Variants in ZNF503 observed in about 807,000 individuals in gnomAD.
ZNF503 encodes zinc finger protein 503, also known as NocA-like zinc finger 2.
A neutral mutation model predicts 34.4 loss-of-function variants in ZNF503; 15 were observed. The ratio of observed to expected loss-of-function variants is 0.44; its 90% CI spans 0.29 to 0.67. The LOEUF is 0.67. Ranked by LOEUF, ZNF503 falls within the 30% of genes least tolerant of loss-of-function variation. The probability of loss-of-function intolerance (pLI) is 0.13; values close to 1 mark genes in which losing one functional copy is unlikely to be tolerated. For synonymous variants in ZNF503, 580 were observed against 456.8 expected, an observed-to-expected ratio of 1.27 and a Z score of -3.44; for missense variants, 1,007 against 926.8, an observed-to-expected ratio of 1.09 and a Z score of -1.12.
the ZNF503 span, among the ~76,000 whole-genome samples, chr10:75,356,335 G>A: frequency 6.6e-6 from 1 of 152,248 alleles, no homozygotes; most frequent in African/African-American, 2.4e-5. Context: ...TCCTGCCTCA[G>A]CCTCCCAAGT....
chr10:75,352,104 G>T, the ZNF503 span, among the ~76,000 whole-genome samples: 1 of 112,076 alleles, frequency 8.9e-6, no homozygotes, highest in African/African-American at 2.9e-5. Flanking sequence ...AGCAGGGATT[G>T]TCCTTCTCCC....
chr10:75,400,084 G>GC lies in ZNF503; in HGVS notation c.605dup (p.Gly203ArgfsTer83). ...CCGACTTCTCCGACGAAACACCCCC[G>GC]CCGCCGCCCCCGCCACCGCCACCGC... On this transcript the variant is annotated frameshift_variant, in exon 2 of 2. Transcript: ENST00000372524. LOFTEE classifies it high-confidence loss of function. 1.5e-6 allele frequency: 1 copy of GC among 676,642 alleles called. No homozygotes were observed. The highest frequency in any genetic ancestry group is 2.1e-6 in the Non-Finnish European group (1 of 484,722). 41.9% of individuals were successfully genotyped at this position (676,642 alleles called of 1,614,324 possible).
chr10:75,317,194 G>A, the ZNF503 span, among the ~76,000 whole-genome samples: 88 of 150,638 alleles, frequency 5.8e-4, no homozygotes, highest in African/African-American at 2.0e-3. Flanking sequence ...CATCTGCCTT[G>A]GCCTCCCAAA....
the ZNF503 span, among the ~76,000 whole-genome samples, chr10:75,323,577 T>C: frequency 6.6e-6 from 1 of 152,234 alleles, no homozygotes; most frequent in African/African-American, 2.4e-5. Flanking sequence ...TTTGTTTTTT[T>C]AGTATCTCAT....
the ZNF503 span, among the ~76,000 whole-genome samples, chr10:75,329,003 T>G: frequency 6.6e-6 from 1 of 152,200 alleles, no homozygotes; most frequent in African/African-American, 2.4e-5. Context: ...TGCCTCAGCC[T>G]CCCAAAGTGC....
At chr10:75,384,284 C>A in the ZNF503 span, among the ~76,000 whole-genome samples, 1 of 152,076 alleles carries the variant, frequency 6.6e-6, no homozygotes, top group African/African-American at 2.4e-5. Flanking sequence ...GATAATCTCA[C>A]ACATGCACAC....
chr10:75,390,006 C>T, the ZNF503 span, among the ~76,000 whole-genome samples: 1 of 152,118 alleles, frequency 6.6e-6, no homozygotes, highest in Non-Finnish European at 1.5e-5. Context: ...CATTCTCTCA[C>T]CTCAGCCTCC....
chr10:75,400,989 T>G, intron 1 of ZNF503, 116 bp downstream of exon 1: 1 of 1,441,272 alleles, frequency 6.9e-7, no homozygotes, highest in Non-Finnish European at 9.4e-7. Flanking sequence ...TCTTCCCCCA[T>G]TCGGGAGCTG....
the ZNF503 span, among the ~76,000 whole-genome samples, chr10:75,340,691 C>T: frequency 1.3e-5 from 2 of 152,166 alleles, no homozygotes; most frequent in African/African-American, 4.8e-5. Flanking sequence ...CTCCACTTCC[C>T]AGGTTCGAGC....
chr10:75,347,157 A>C, the ZNF503 span, among the ~76,000 whole-genome samples: 2 of 152,246 alleles, frequency 1.3e-5, no homozygotes, highest in East Asian at 3.8e-4. Flanking sequence ...AGTAAGCTCC[A>C]TGTAAGTGTT....
the ZNF503 span, among the ~76,000 whole-genome samples, chr10:75,285,489 T>G: frequency 6.6e-6 from 1 of 152,220 alleles, no homozygotes; most frequent in Non-Finnish European, 1.5e-5. Flanking sequence ...GTGAACTCAT[T>G]GACTTCAAAC....
chr10:75,307,664 G>T, the ZNF503 span, among the ~76,000 whole-genome samples: 1 of 152,238 alleles, frequency 6.6e-6, no homozygotes, highest in South Asian at 2.1e-4. Flanking sequence ...AGAAGTCAAC[G>T]TCTGGCTTCA....
the ZNF503 span, among the ~76,000 whole-genome samples, chr10:75,297,667 C>T: frequency 2.0e-5 from 3 of 152,192 alleles, no homozygotes; most frequent in Non-Finnish European, 4.4e-5. Context: ...TTCTGTAACT[C>T]GTTAATTGGC....
downstream of ZNF503, among the ~76,000 whole-genome samples, chr10:75,393,909 TA>T (rs1232171958): frequency 1.3e-5 from 2 of 151,910 alleles, no homozygotes; most frequent in African/African-American, 4.8e-5. Flanking sequence ...AAATCCCCAT[TA>T]AAAAATAAAA....
At chr10:75,301,608 AATAATCATATTTTTAGTT>A in the ZNF503 span, among the ~76,000 whole-genome samples, 1 of 151,672 alleles carries the variant, frequency 6.6e-6, no homozygotes, top group African/African-American at 2.4e-5. Context: ...TTTTTTGTTG[AATAATCATATTTTTAGTT>A]AAAAAATAAC....
chr10:75,385,622 G>T, the ZNF503 span, among the ~76,000 whole-genome samples: 1 of 152,174 alleles, frequency 6.6e-6, no homozygotes, highest in African/African-American at 2.4e-5. Flanking sequence ...GGGTCCCAGG[G>T]GTGTGCATTT....
At chr10:75,353,279 G>A in the ZNF503 span, among the ~76,000 whole-genome samples, 3 of 152,104 alleles carry the variant, frequency 2.0e-5, no homozygotes, top group East Asian at 1.9e-4. Flanking sequence ...CTTCCACCAC[G>A]TTCTTTTAAC....
the ZNF503 span, among the ~76,000 whole-genome samples, chr10:75,331,596 G>A: frequency 6.6e-6 from 1 of 152,094 alleles, no homozygotes; most frequent in African/African-American, 2.4e-5. Flanking sequence ...CTACAGGTGT[G>A]TGCCACCATG....
the ZNF503 span, among the ~76,000 whole-genome samples, chr10:75,384,369 C>T: frequency 6.6e-6 from 1 of 152,098 alleles, no homozygotes; most frequent in South Asian, 2.1e-4. Flanking sequence ...CACACACACA[C>T]TCGTACACAC....
Sources: gnomAD v4.1 joint callset for allele counts (sites outside exome capture counted in the v4.1 genomes callset) on GRCh38, gnomAD v4.1.1 for gene constraint, MANE v1.5 for transcripts, NCBI Gene and HGNC (gene_info 2026-07-23, HGNC 2026-07-21) for gene names.